PATJ: variants seen among roughly 807,000 people sequenced by gnomAD.
The protein encoded by PATJ is inaD-like protein.
A neutral mutation model predicts 224.9 loss-of-function variants in PATJ; 190 were observed. That is an observed-to-expected ratio of 0.84 (90% CI 0.75 to 0.95). The LOEUF (loss-of-function observed/expected upper bound fraction) is 0.95, where lower values mean the gene tolerates loss of function less well. Ranked by LOEUF, PATJ falls within the 40% of genes least tolerant of loss-of-function variation. The probability of loss-of-function intolerance (pLI) is 0.00; values close to 1 mark genes in which losing one functional copy is unlikely to be tolerated. For synonymous variants in PATJ, 769 were observed against 820.3 expected (o/e 0.94, Z 1.07); for missense variants, 2,121 against 2,270.3 (o/e 0.93, Z 1.34).
At chr1:61,984,152 A>G (rs1184012119) in intron 27 of PATJ, among the ~76,000 whole-genome samples, 6 of 132,376 alleles carry the variant, frequency 4.5e-5, no homozygotes, top group South Asian at 2.4e-4. Context: ...ACGCTCAATT[A>G]TTATTATTAT....
chr1:61,863,896 C>T (rs576767242), intron 19 of PATJ, among the ~76,000 whole-genome samples: 8 of 152,248 alleles, frequency 5.3e-5, no homozygotes, highest in African/African-American at 1.4e-4. Context: ...TACTTATGTA[C>T]TACTTTTTAT....
intron 1 of PATJ, among the ~76,000 whole-genome samples, chr1:61,752,090 ATC>A (rs1207530040): frequency 1.4e-5 from 2 of 147,206 alleles, no homozygotes; most frequent in African/African-American, 5.0e-5. Flanking sequence ...GTGAGCCAAG[ATC>A]TCTCCATTGT....
At chr1:61,892,111 G>A (rs1669686337) in intron 22 of PATJ, among the ~76,000 whole-genome samples, 1 of 152,132 alleles carries the variant, frequency 6.6e-6, no homozygotes, top group Admixed American at 6.5e-5. Flanking sequence ...AATCATGGCA[G>A]AACATCTGTA....
At chr1:62,026,867 AT>A (rs1648050022) in intron 29 of PATJ, among the ~76,000 whole-genome samples, 1 of 152,160 alleles carries the variant, frequency 6.6e-6, no homozygotes, top group Non-Finnish European at 1.5e-5. Flanking sequence ...TGGAGTATAT[AT>A]CCAAAATAAT....
At chr1:61,770,780 C>T (rs1056442243) in intron 5 of PATJ, among the ~76,000 whole-genome samples, 1 of 151,908 alleles carries the variant, frequency 6.6e-6, no homozygotes, top group Admixed American at 6.6e-5. Context: ...TGTGGTAGTC[C>T]ATACCTGTAG....
intron 22 of PATJ, among the ~76,000 whole-genome samples, chr1:61,890,635 C>T (rs898432333): frequency 1.3e-5 from 2 of 151,762 alleles, no homozygotes; most frequent in African/African-American, 2.4e-5. Flanking sequence ...TAGCTGGGAT[C>T]ACAGGCACCT....
Position 61,990,341 on chromosome 1 carries a change from C to A in PATJ, c.3844C>A (p.Arg1282Ser), listed in dbSNP as rs956214804. The change falls in exon 28 of 44, where the codon CGT becomes AGT. Residue 1282 changes from arginine to serine, a missense_variant. Arg to Ser is a moderately radical substitution (Grantham distance 110, BLOSUM62 -1). Transcript: ENST00000642238. ...EGPAAADGRM[R>S]IGDELLEINN... The stretch of plus-strand genomic sequence containing the variant: ...ACCTGCTGCCGCAGATGGACGAATG[C>A]GTATTGGAGATGAACTCTTAGAGGT... The A allele has an allele frequency of 6.2e-7, 1 of 1,611,996 alleles. No homozygotes were observed.
chr1:61,786,462 T>A (rs762856107), intron 7 of PATJ, among the ~76,000 whole-genome samples: 5 of 152,132 alleles, frequency 3.3e-5, no homozygotes, highest in African/African-American at 4.8e-5. Flanking sequence ...CAGGTTTGTG[T>A]ATCTGGCTGT....
chr1:62,013,123 A>G (rs774838638), intron 28 of PATJ, among the ~76,000 whole-genome samples: 3 of 152,280 alleles, frequency 2.0e-5, no homozygotes, highest in Non-Finnish European at 2.9e-5. Flanking sequence ...CGTGAAAGGC[A>G]TAACTTCAGA....
chr1:62,079,506 A>C lies in PATJ; in HGVS notation c.4182A>C (p.Gln1394His). 6.2e-7 allele frequency: 1 copy of C among 1,614,080 alleles called. No individual in the cohort carries two copies. The highest frequency in any genetic ancestry group is 8.5e-7 in the Non-Finnish European group (1 of 1,179,904). The change falls in exon 32 of 44, where the codon CAA becomes CAC. Residue 1394 changes from glutamine to histidine, a missense_variant. By Grantham distance (24) the Gln-to-His change is conservative. Coordinates refer to ENST00000642238, the MANE Select transcript of PATJ (RefSeq NM_001350145.3). The stretch of plus-strand genomic sequence containing the variant: ...CAACAAAAGTCTCCTTCAGTTCACA[A>C]GAGATACCATTAGCACCAGCTTCAT... ...KYPTKVSFSS[Q>H]EIPLAPASSY...
At chr1:61,807,134 A>T (rs1653734900) in intron 13 of PATJ, among the ~76,000 whole-genome samples, 1 of 152,172 alleles carries the variant, frequency 6.6e-6, no homozygotes, top group Non-Finnish European at 1.5e-5. Flanking sequence ...TGGGCAAAAG[A>T]GGGAGACTCC....
chr1:61,909,471 T>C (rs1371762339), intron 25 of PATJ, among the ~76,000 whole-genome samples: 1 of 152,116 alleles, frequency 6.6e-6, no homozygotes, highest in Non-Finnish European at 1.5e-5. Flanking sequence ...CATAGACACT[T>C]CTTTTTTTGT....
intron 27 of PATJ, among the ~76,000 whole-genome samples, chr1:61,934,764 C>T (rs927478176): frequency 9.9e-5 from 15 of 152,086 alleles, no homozygotes; most frequent in Admixed American, 2.6e-4. Context: ...TGGCCTGGGA[C>T]GTTATACAAA....
At chr1:61,799,799 A>T (rs985046410) in intron 11 of PATJ, among the ~76,000 whole-genome samples, 1 of 152,164 alleles carries the variant, frequency 6.6e-6, no homozygotes, top group Non-Finnish European at 1.5e-5. Flanking sequence ...GAGAACATGG[A>T]GTGTTTAATT....
chr1:62,153,514 A>G, intron 43 of PATJ, 33 bp downstream of exon 43: 1 of 1,217,716 alleles, frequency 8.2e-7, no homozygotes. Flanking sequence ...CTTTTTTAAA[A>G]AAATTAAACC....
chr1:61,766,544 A>C, intron 4 of PATJ, 71 bp downstream of exon 4: 1 of 1,056,104 alleles, frequency 9.5e-7, no homozygotes, highest in Non-Finnish European at 1.4e-6. Flanking sequence ...AGGAGCTTAT[A>C]CTCATTCTTT....
At chr1:62,093,656 G>A (rs898007218) in intron 33 of PATJ, among the ~76,000 whole-genome samples, 1 of 152,132 alleles carries the variant, frequency 6.6e-6, no homozygotes, top group African/African-American at 2.4e-5. Flanking sequence ...TTGAATTCCA[G>A]ATTTGGACAT....
intron 31 of PATJ, among the ~76,000 whole-genome samples, chr1:62,076,214 A>G (rs1007412356): frequency 6.6e-5 from 10 of 152,164 alleles, no homozygotes; most frequent in African/African-American, 2.4e-4. Flanking sequence ...GTCTTAATCA[A>G]TAAGTCTCAA....
chr1:62,122,485 G>T (rs1019837442), intron 38 of PATJ, among the ~76,000 whole-genome samples: 1 of 151,358 alleles, frequency 6.6e-6, no homozygotes, highest in Admixed American at 6.6e-5. Context: ...CAGACCAAAT[G>T]GTTATGGCCA....
Sources: allele counts gnomAD v4.1 joint callset (sites outside exome capture counted in the v4.1 genomes callset), GRCh38; gene constraint gnomAD v4.1.1; transcripts MANE v1.5; gene names NCBI Gene and HGNC (gene_info 2026-07-23, HGNC 2026-07-21).